The following ARHGAP39 variants were observed in gnomAD, a reference collection of about 807,000 sequenced individuals.
ARHGAP39 encodes rho GTPase-activating protein 39.
Under a neutral mutation model 106.9 loss-of-function variants are expected in ARHGAP39, and 44 were observed. The observed-to-expected ratio is 0.41, with a 90% CI of 0.32 to 0.53. ARHGAP39 has a LOEUF of 0.53. ARHGAP39 is among the 20% of genes least tolerant of loss of function. The pLI is 0.21. For missense variants in ARHGAP39, 1,496 were observed against 1,577.3 expected, an observed-to-expected ratio of 0.95 and a Z score of 0.87; for synonymous variants, 768 against 693.2, an observed-to-expected ratio of 1.11 and a Z score of -1.69.
At position 144,547,439 on chromosome 8, in the gene ARHGAP39, C is replaced by T. The variant is rs763209655; in HGVS notation, c.1647G>A (p.Ala549=). ...AEGEAEGARG[A]AEPFLAQARL... The stretch of plus-strand genomic sequence containing the variant: ...GAGCCTGCGCCAGGAAGGGCTCGGC[C>T]GCGCCCCGCGCCCCTTCGGCCTCAC... The change falls in exon 5 of 12, where the codon GCG becomes GCA. Residue 549 remains alanine (A), a synonymous_variant. Transcript: ENST00000377307. This position sits in a 1 kb window ranked among gnomAD's most constrained non-coding sequence, Gnocchi z 5.2. 1.5e-5 allele frequency: 23 copies of T among 1,572,108 alleles called. No homozygotes were observed. The highest frequency in any genetic ancestry group is 2.0e-5 in the Non-Finnish European group (23 of 1,166,160).
intron 1 of ARHGAP39, among the ~76,000 whole-genome samples, chr8:144,618,368 T>A (rs892257982): frequency 6.6e-6 from 1 of 152,270 alleles, no homozygotes; most frequent in Non-Finnish European, 1.5e-5. Flanking sequence ...ATGAGCTTTT[T>A]AAAAAGAATC....
intron 1 of ARHGAP39, among the ~76,000 whole-genome samples, chr8:144,617,363 G>C (rs1052928940): frequency 6.6e-6 from 1 of 152,150 alleles, no homozygotes; most frequent in African/African-American, 2.4e-5. Flanking sequence ...CGCAGCACCA[G>C]CAAGAGCCAG....
chr8:144,576,489 C>G (rs146956982), intron 3 of ARHGAP39, among the ~76,000 whole-genome samples: 4 of 152,250 alleles, frequency 2.6e-5, no homozygotes, highest in Non-Finnish European at 4.4e-5. Flanking sequence ...GGCCCTGAGC[C>G]ATGGGTGACA....
At chr8:144,686,704 C>G (rs1264072839), upstream of ARHGAP39, among the ~76,000 whole-genome samples, 1 of 152,200 alleles carries the variant, frequency 6.6e-6, no homozygotes, top group Non-Finnish European at 1.5e-5. Flanking sequence ...CCTGTTGGGC[C>G]GTCGTCACAC....
chr8:144,587,262 C>A (rs1035680457), intron 2 of ARHGAP39, among the ~76,000 whole-genome samples: 3 of 152,186 alleles, frequency 2.0e-5, no homozygotes, highest in African/African-American at 7.2e-5. Context: ...GAAGTGACAG[C>A]CAGGTAAGCA....
At chr8:144,608,936 T>C (rs1462058680) in intron 1 of ARHGAP39, among the ~76,000 whole-genome samples, 1 of 152,244 alleles carries the variant, frequency 6.6e-6, no homozygotes, top group Non-Finnish European at 1.5e-5. Flanking sequence ...AACTCACTTA[T>C]TAGTTCTAAT....
chr8:144,562,715 CGG>C (rs1818243783), intron 3 of ARHGAP39, among the ~76,000 whole-genome samples: 3 of 151,390 alleles, frequency 2.0e-5, no homozygotes, highest in African/African-American at 7.3e-5. Context: ...TGGTTTCCAT[CGG>C]ACTCACTCCA....
intron 1 of ARHGAP39, among the ~76,000 whole-genome samples, chr8:144,662,539 C>CCA (rs1821855421): frequency 6.6e-6 from 1 of 150,528 alleles, no homozygotes; most frequent in African/African-American, 2.5e-5. Context: ...ACCCCTCCTT[C>CCA]CTCCACATTA....
intron 3 of ARHGAP39, among the ~76,000 whole-genome samples, chr8:144,569,064 C>T (rs1818498470): frequency 6.6e-6 from 1 of 152,076 alleles, no homozygotes; most frequent in Admixed American, 6.6e-5. Context: ...ATGATGCCTA[C>T]AGGAAAACTC....
At chr8:144,694,788 G>T in the ARHGAP39 span, among the ~76,000 whole-genome samples, 1 of 152,130 alleles carries the variant, frequency 6.6e-6, no homozygotes, top group African/African-American at 2.4e-5. Flanking sequence ...CTGTTTCACT[G>T]ATCAAAGCAA....
At chr8:144,650,143 GGAAAAAAAAA>G (rs894641101) in intron 1 of ARHGAP39, among the ~76,000 whole-genome samples, 61 of 150,922 alleles carry the variant, frequency 4.0e-4, no homozygotes, top group African/African-American at 1.5e-3. Context: ...ACTCTGTCTT[GGAAAAAAAAA>G]GAAAAAAAAA....
intron 6 of ARHGAP39, among the ~76,000 whole-genome samples, chr8:144,542,831 C>T (rs1188686363): frequency 2.0e-5 from 3 of 151,914 alleles, no homozygotes; most frequent in Non-Finnish European, 2.9e-5. Context: ...CCCTGCTACA[C>T]GGGAGGCTGA....
At position 144,545,270 on chromosome 8, in the gene ARHGAP39, C is replaced by G. The variant is rs778282421; in HGVS notation, c.2500G>C (p.Asp834His). 6.4e-7 allele frequency: 1 copy of G among 1,553,118 alleles called. No individual in the cohort carries two copies. Among genetic ancestry groups the G allele is most frequent in the Non-Finnish European group, 8.7e-7 (1 of 1,143,168 alleles). ...TTACCTTTAGTGTCATTGACGGGGT[C>G]CATGTGCCGGTAGATGTAGCCTTCC... Reference protein sequence around the residue: ...YLEGYIYRHMDPVNDTKVTQH... With the variant: ...YLEGYIYRHMHPVNDTKVTQH... Residue 834 changes from aspartate (D) to histidine (H), a missense_variant, in exon 6 of 12, where the codon GAC becomes CAC. This residue lies in a region of ARHGAP39 where 470 missense variants were observed against 605.1 expected (regional missense o/e 0.78). Transcript: ENST00000377307.
intron 2 of ARHGAP39, among the ~76,000 whole-genome samples, chr8:144,605,032 C>T (rs959174481): frequency 7.9e-5 from 12 of 152,134 alleles, no homozygotes; most frequent in African/African-American, 2.9e-4. Flanking sequence ...GAGGCCTCGG[C>T]CTCCCAAAAG....
intron 1 of ARHGAP39, among the ~76,000 whole-genome samples, chr8:144,657,558 T>C (rs1318603856): frequency 6.6e-6 from 1 of 152,186 alleles, no homozygotes; most frequent in Admixed American, 6.5e-5. Context: ...TACAGACCAA[T>C]ATCCCTATGA....
rs1340382990 is a variant in ARHGAP39, at chr8:144,547,374, T to A, written c.1712A>T (p.Lys571Met). Residue 571 changes from lysine to methionine, a missense_variant, in exon 5 of 12, where the codon AAG (lysine) becomes ATG (methionine). This residue lies in a region of ARHGAP39 where 905 missense variants were observed against 816.4 expected (regional missense o/e 1.11). Transcript: ENST00000377307. The surrounding 1 kb of genome is among the most constrained non-coding windows in gnomAD (Gnocchi z 5.2). ...WEAQQAHFHM[K>M]QRSSWDSQQD... ...CTGGGAGTCCCAGCTGCTCCTCTGC[T>A]TCATGTGGAAGTGGGCCTGCTGCGC... 5.6e-6 allele frequency: 9 copies of A among 1,600,064 alleles called. No individual in the cohort carries two copies. The highest frequency in any genetic ancestry group is 7.6e-6 in the Non-Finnish European group (9 of 1,178,072).
chr8:144,674,819 T>G (rs1409350188), intron 1 of ARHGAP39, among the ~76,000 whole-genome samples: 1 of 152,100 alleles, frequency 6.6e-6, no homozygotes, highest in African/African-American at 2.4e-5. Flanking sequence ...GGCTGGCATG[T>G]CAGTTTTGCC....
chr8:144,677,784 G>C (rs1376041049), intron 1 of ARHGAP39, among the ~76,000 whole-genome samples: 2 of 152,228 alleles, frequency 1.3e-5, no homozygotes, highest in Non-Finnish European at 2.9e-5. Flanking sequence ...AGGGGAACCA[G>C]GTTCCAGGGT....
At chr8:144,558,606 A>G (rs1007649841) in intron 3 of ARHGAP39, among the ~76,000 whole-genome samples, 1 of 152,022 alleles carries the variant, frequency 6.6e-6, no homozygotes, top group African/African-American at 2.4e-5. Flanking sequence ...AATTCTAGTA[A>G]TAATTTCATT....
Sources: allele counts gnomAD v4.1 joint callset (sites outside exome capture counted in the v4.1 genomes callset), GRCh38; gene constraint gnomAD v4.1.1; regional missense constraint gnomAD v4.1.1; non-coding constraint Gnocchi (gnomAD v3.1); transcripts MANE v1.5; gene names NCBI Gene and HGNC (gene_info 2026-07-23, HGNC 2026-07-21).